MIDEAS: variants seen among roughly 807,000 people sequenced by gnomAD.
MIDEAS encodes the protein mitotic deacetylase-associated SANT domain protein.
Under a neutral mutation model 102.7 loss-of-function variants are expected in MIDEAS, and 26 were observed. The ratio of observed to expected loss-of-function variants is 0.25; its 90% CI spans 0.19 to 0.35. MIDEAS has a LOEUF of 0.35. Among genes scored for constraint, MIDEAS ranks in the 10% least tolerant of loss-of-function variants. The pLI is 1.00. For synonymous variants in MIDEAS, 585 were observed against 591.0 expected, an observed-to-expected ratio of 0.99 and a Z score of 0.15; for missense variants, 1,231 against 1,435.6, an observed-to-expected ratio of 0.86 and a Z score of 2.30.
At chr14:73,786,308 GTTCCTGCAGCACA>G (rs367988355) in intron 1 of MIDEAS, among the ~76,000 whole-genome samples, 10 of 152,322 alleles carry the variant, frequency 6.6e-5, no homozygotes, top group African/African-American at 2.4e-4. Context: ...CACCGTCAAA[GTTCCTGCAGCACA>G]TTCCTGCAGC....
chr14:73,749,864 T>C (rs1183675180), intron 1 of MIDEAS, among the ~76,000 whole-genome samples: 3 of 152,166 alleles, frequency 2.0e-5, no homozygotes, highest in Non-Finnish European at 4.4e-5. Flanking sequence ...GTCACAGTCC[T>C]AGGCAGCCGC....
At chr14:73,730,308 G>A (rs1595259820) in intron 3 of MIDEAS, 1 of 430,542 alleles carries the variant, frequency 2.3e-6, no homozygotes, top group East Asian at 5.4e-5. Context: ...TCTTAGCTCT[G>A]GATCTGGCCC....
intron 2 of MIDEAS, among the ~76,000 whole-genome samples, chr14:73,738,155 TGG>T (rs2053228154): frequency 3.3e-5 from 5 of 151,888 alleles, no homozygotes; most frequent in Non-Finnish European, 5.9e-5. Flanking sequence ...CCTAGCACTT[TGG>T]GGGGCTGAGG....
intron 1 of MIDEAS, among the ~76,000 whole-genome samples, chr14:73,771,407 G>A (rs1435871451): frequency 6.6e-6 from 1 of 152,176 alleles, no homozygotes; most frequent in African/African-American, 2.4e-5. Context: ...TGGGGACTCT[G>A]CACAACACCA....
Position 73,739,466 on chromosome 14 carries a change from T to G in MIDEAS, c.543A>C (p.Pro181=). Residue 181 remains proline (P), a synonymous_variant, in exon 2 of 13, where the codon CCA becomes CCC. Transcript: ENST00000423556. ...CCAGCTGCACCTTCTGTGGCATCAT[T>G]GGTCGCACATAGCGGTCCAGCTGTG... The part of the protein sequence containing the change: ...GGPQLDRYVR[P]MMPQKVQLEV... 1 of 1,604,408 alleles carries G rather than the reference T, an allele frequency of 6.2e-7. No individual in the cohort carries two copies. Among genetic ancestry groups the G allele is most frequent in the Middle Eastern group, 1.7e-4 (1 of 6,004 alleles).
upstream of MIDEAS, among the ~76,000 whole-genome samples, chr14:73,761,527 T>C (rs1023530230): frequency 6.6e-6 from 1 of 152,174 alleles, no homozygotes; most frequent in East Asian, 1.9e-4. Flanking sequence ...TATGTCAAAA[T>C]AAGGAACACT....
At position 73,725,501 on chromosome 14, in the gene MIDEAS, T is replaced by C. The variant is rs2053049088; in HGVS notation, c.2486-141A>G. The C allele has an allele frequency of 1.5e-6, 1 of 656,896 alleles. No homozygotes were observed. The highest frequency in any genetic ancestry group is 1.7e-5 in the South Asian group (1 of 58,294). 40.7% of individuals were successfully genotyped at this position (656,896 alleles called of 1,614,324 possible). A position where few individuals can be genotyped will look rare whatever the true frequency, so the allele number is the denominator to read the frequency against. On this transcript the variant is annotated intron_variant, in intron 8 of 12. Transcript: ENST00000423556. This position sits in a 1 kb window ranked among gnomAD's most constrained non-coding sequence, Gnocchi z 4.1. Reference sequence around the variant, plus strand: ...GAGCCGGCTCCTCGTCCCACTTCCATGTGCCTCACAGCCTCGCTCCCTTGC... The same window carrying C: ...GAGCCGGCTCCTCGTCCCACTTCCACGTGCCTCACAGCCTCGCTCCCTTGC...
In MIDEAS at chr14:73,740,131, G is replaced by A; in HGVS notation, c.-123C>T. 1.6e-6 allele frequency: 2 copies of A among 1,283,874 alleles called. No individual in the cohort carries two copies. The highest frequency in any genetic ancestry group is 2.0e-6 in the Non-Finnish European group (2 of 986,718). The allele number at this position is 1,283,874 out of a possible 1,614,324, so 79.5% of individuals were successfully genotyped here. On this transcript the variant is annotated 5_prime_UTR_variant, in exon 2 of 13. Coordinates refer to ENST00000423556, the MANE Select transcript of MIDEAS (RefSeq NM_001367710.1). The stretch of plus-strand genomic sequence containing the variant: ...CAGGGAGGGCAGAGCAGGGGCAGAG[G>A]AAGACGCTGGACAGTGAGGTCGGAC...
intron 1 of MIDEAS, among the ~76,000 whole-genome samples, chr14:73,774,034 A>G (rs2053667244): frequency 6.6e-6 from 1 of 151,444 alleles, no homozygotes; most frequent in African/African-American, 2.4e-5. Flanking sequence ...AAAAAAAAAA[A>G]AAAAGAAAAA....
Position 73,736,995 on chromosome 14 carries a change from T to A in MIDEAS, c.1749+3A>T. ...AGGTGTTTAGAAGGGGCGCCTCTCA[T>A]ACCTGAGCTTGAGCATCTGTCCCGG... On this transcript the variant is annotated splice_donor_region_variant and intron_variant, in intron 3 of 12. Transcript: ENST00000423556. 1 of 1,610,632 alleles carries A rather than the reference T, an allele frequency of 6.2e-7. No homozygotes were observed. Among genetic ancestry groups the A allele is most frequent in the Non-Finnish European group, 8.5e-7 (1 of 1,178,118 alleles).
chr14:73,722,444 G>T (rs2053007419), intron 10 of MIDEAS: 1 of 340,258 alleles, frequency 2.9e-6, no homozygotes, highest in South Asian at 4.7e-5. Flanking sequence ...GCTAAGCGGA[G>T]ATAGGAAGAT....
At chr14:73,770,229 T>G (rs2053630118) in intron 1 of MIDEAS, among the ~76,000 whole-genome samples, 1 of 152,162 alleles carries the variant, frequency 6.6e-6, no homozygotes, top group Non-Finnish European at 1.5e-5. Context: ...TCAGGTGAAC[T>G]TATAAGCTGT....
rs756387848 is a variant in MIDEAS at position 73,739,903 on chromosome 14, G to T, written c.106C>A (p.Gln36Lys). Residue 36 changes from glutamine (Q) to lysine (K), a missense_variant, in exon 2 of 13, where the codon CAG becomes AAG. Transcript: ENST00000423556. Reference protein sequence around the residue: ...KEQPPPLQPPQQSIRVKEEQY... With the variant: ...KEQPPPLQPPKQSIRVKEEQY... ...TCCTCCTTCACTCTGATGGACTGCTGGGGGGGCTGCAGGGGAGGGGGCTGC... is the reference window on the plus strand; with the variant it reads ...TCCTCCTTCACTCTGATGGACTGCTTGGGGGGCTGCAGGGGAGGGGGCTGC... The T allele has an allele frequency of 7.7e-6, 12 of 1,552,088 alleles. No homozygotes were observed. The highest frequency in any genetic ancestry group is 2.3e-5 in the East Asian group (1 of 44,164).
In MIDEAS at chr14:73,751,866, C is replaced by T. The variant is rs544453779; in HGVS notation, c.-248+7897G>A. Among the ~76,000 whole-genome samples the T allele has an allele frequency of 4.4e-3, 665 of 152,282 alleles. 3 individuals carry two copies. The highest frequency in any genetic ancestry group is 0.017 in the Middle Eastern group (5 of 294). ...AGTGAGCCAAGATCGTACCACTGCA[C>T]TCCAGCCTGGGCGACAAGAGCAAAA... On this transcript the variant is annotated intron_variant, in intron 1 of 12. Transcript: ENST00000423556.
intron 1 of MIDEAS, among the ~76,000 whole-genome samples, chr14:73,756,579 G>T (rs2053487063): frequency 6.6e-6 from 1 of 152,174 alleles, no homozygotes; most frequent in Non-Finnish European, 1.5e-5. Flanking sequence ...GCGGCCACTG[G>T]CTCTGCTTCC....
At chr14:73,787,501 C>T (rs1292064366), upstream of MIDEAS, 2 of 152,296 alleles carry the variant, frequency 1.3e-5, no homozygotes, top group Non-Finnish European at 2.9e-5. Context: ...GTCCCCTGCT[C>T]TCAGGCTGGT....
chr14:73,776,864 AGTT>A (rs2053693457), intron 1 of MIDEAS, among the ~76,000 whole-genome samples: 1 of 151,964 alleles, frequency 6.6e-6, no homozygotes, highest in Non-Finnish European at 1.5e-5. Flanking sequence ...CAAGGTCAGG[AGTT>A]CAAGACCAGC....
chr14:73,726,911 C>T lies in MIDEAS; in HGVS notation c.2224G>A (p.Ala742Thr), dbSNP rs2053068553. The T allele has an allele frequency of 6.2e-7, 1 of 1,613,922 alleles. No homozygotes were observed. The highest frequency in any genetic ancestry group is 8.5e-7 in the Non-Finnish European group (1 of 1,179,822). The part of the protein sequence containing the change: ...EIPLMRDRAL[A>T]AADPHKADLV... The stretch of plus-strand genomic sequence containing the variant: ...TCAGCCTTGTGGGGATCTGCAGCTG[C>T]CAGGGCACGGTCCCTCATCAAGGGG... Residue 742 changes from alanine to threonine, a missense_variant, in exon 6 of 13, where the codon GCA (alanine) becomes ACA (threonine). Ala to Thr is a moderately conservative substitution (Grantham distance 58). Around this residue, in one of 5 missense-constraint regions of MIDEAS, gnomAD observed 391 missense variants for 483.0 expected, o/e 0.81. Transcript: ENST00000423556.
intron 9 of MIDEAS, chr14:73,724,612 C>A (rs902000454): frequency 6.5e-6 from 1 of 154,354 alleles, no homozygotes; most frequent in East Asian, 1.9e-4. Context: ...AGGGCTGTTC[C>A]CAATACAATC....
Sources: allele counts gnomAD v4.1 joint callset (sites outside exome capture counted in the v4.1 genomes callset), GRCh38; gene constraint gnomAD v4.1.1; regional missense constraint gnomAD v4.1.1; non-coding constraint Gnocchi (gnomAD v3.1); transcripts MANE v1.5; gene names NCBI Gene and HGNC (gene_info 2026-07-23, HGNC 2026-07-21).